DYNLL1: variants seen among roughly 807,000 people sequenced by gnomAD.
DYNLL1 encodes dynein light chain 1, cytoplasmic.
A neutral mutation model predicts 10.1 loss-of-function variants in DYNLL1; 3 were observed. The observed-to-expected ratio is 0.30, with a 90% CI of 0.14 to 0.77. The LOEUF is 0.77. Among genes scored for constraint, DYNLL1 ranks in the 30% least tolerant of loss-of-function variants. The pLI, the probability that DYNLL1 is intolerant of heterozygous loss-of-function variation, is 0.66. For synonymous variants in DYNLL1, 46 were observed against 41.2 expected (o/e 1.12, Z -0.45); for missense variants, 47 against 111.7 (o/e 0.42, Z 2.61).
At chr12:120,491,469 C>A (rs1239544444), upstream of DYNLL1, 1 of 152,372 alleles carries the variant, frequency 6.6e-6, no homozygotes, top group Non-Finnish European at 1.5e-5. Flanking sequence ...CTGGGACCTG[C>A]AAGGTCACCT....
At chr12:120,485,325 C>T (rs1332420310) in intron 1 of DYNLL1, among the ~76,000 whole-genome samples, 4 of 145,518 alleles carry the variant, frequency 2.7e-5, no homozygotes, top group Admixed American at 7.0e-5. Flanking sequence ...GGCACGATCT[C>T]GGCTCACTGC....
chr12:120,474,950 A>G (rs1030113223), intron 1 of DYNLL1, among the ~76,000 whole-genome samples: 1 of 152,244 alleles, frequency 6.6e-6, no homozygotes, highest in African/African-American at 2.4e-5. Context: ...GGAAAGCTAC[A>G]TAATAAAGAA....
intron 1 of DYNLL1, among the ~76,000 whole-genome samples, chr12:120,480,284 A>G (rs941195266): frequency 2.6e-5 from 4 of 152,204 alleles, no homozygotes; most frequent in African/African-American, 9.7e-5. Flanking sequence ...ATACTATGCA[A>G]ACATTAAAAA....
intron 1 of DYNLL1, among the ~76,000 whole-genome samples, chr12:120,471,771 C>T (rs894480164): frequency 1.3e-5 from 2 of 151,990 alleles, no homozygotes; most frequent in Non-Finnish European, 2.9e-5. Context: ...CCACCACGCC[C>T]GGCTGATTTT....
At chr12:120,491,612 G>A (rs1879131565), upstream of DYNLL1, 2 of 152,454 alleles carry the variant, frequency 1.3e-5, no homozygotes. Context: ...GAGTGATCCT[G>A]GGGCAGTAGT....
chr12:120,497,942 A>G (rs1868511248), intron 2 of DYNLL1, 131 bp from the exon 3 acceptor site: 1 of 894,094 alleles, frequency 1.1e-6, no homozygotes. Flanking sequence ...GCTGGGGAAC[A>G]TTCTTTCATT....
chr12:120,485,722 T>G (rs1377487156), intron 1 of DYNLL1, among the ~76,000 whole-genome samples: 2 of 151,234 alleles, frequency 1.3e-5, no homozygotes, highest in Non-Finnish European at 2.9e-5. Flanking sequence ...GCACCTGTGA[T>G]CCCAGCTACT....
intron 1 of DYNLL1, among the ~76,000 whole-genome samples, chr12:120,472,357 A>C (rs1389639222): frequency 6.6e-6 from 1 of 152,212 alleles, no homozygotes; most frequent in Admixed American, 6.5e-5. Flanking sequence ...CATTATAACT[A>C]TCTGTTGTAT....
chr12:120,477,189 A>G (rs937988593), intron 1 of DYNLL1, among the ~76,000 whole-genome samples: 2 of 152,104 alleles, frequency 1.3e-5, no homozygotes, highest in Non-Finnish European at 2.9e-5. Flanking sequence ...TTGGCTTCCC[A>G]AAATCCTGGG....
chr12:120,480,790 C>G (rs1878863233), intron 1 of DYNLL1, among the ~76,000 whole-genome samples: 1 of 148,546 alleles, frequency 6.7e-6, no homozygotes, highest in Non-Finnish European at 1.5e-5. Flanking sequence ...GAGACGGAGT[C>G]TCGCTCTGTT....
chr12:120,470,574 C>T lies in DYNLL1; in HGVS notation c.-7+470C>T, dbSNP rs143373093. ...CTCGATCTCGCTGGACTCAGGTGAT[C>T]CTCCCACCTCGGGGCGCCGTGAGGG... On this transcript the variant is annotated intron_variant, in intron 1 of 2. Transcript: ENST00000392509. Among the ~76,000 whole-genome samples, 160 of 152,204 alleles carry T rather than the reference C, an allele frequency of 1.1e-3. 1 individual carries two copies. Among genetic ancestry groups the T allele is most frequent in the Admixed American group, 2.0e-3 (31 of 15,294 alleles).
upstream of DYNLL1, chr12:120,491,804 T>C (rs766174991): frequency 1.3e-5 from 2 of 152,154 alleles, no homozygotes; most frequent in South Asian, 2.1e-4. Context: ...CAAGAACCAA[T>C]GTAGGGTCAA....
chr12:120,479,709 A>G (rs936007871), intron 1 of DYNLL1, among the ~76,000 whole-genome samples: 1 of 152,088 alleles, frequency 6.6e-6, no homozygotes, highest in Non-Finnish European at 1.5e-5. Context: ...CACTGCAAAG[A>G]AAGCTGGGAG....
At chr12:120,476,373 C>T (rs899464204) in intron 1 of DYNLL1, among the ~76,000 whole-genome samples, 2 of 151,804 alleles carry the variant, frequency 1.3e-5, no homozygotes, top group Non-Finnish European at 2.9e-5. Flanking sequence ...CTAGGCTACA[C>T]ATCCCCCATG....
upstream of DYNLL1, chr12:120,491,221 C>G (rs1422373455): frequency 6.6e-6 from 1 of 152,376 alleles, no homozygotes; most frequent in African/African-American, 2.4e-5. Context: ...TTGGTCTACT[C>G]AGGCGGTGCT....
intron 1 of DYNLL1, among the ~76,000 whole-genome samples, chr12:120,472,642 AAT>A (rs1392862874): frequency 6.6e-6 from 1 of 152,214 alleles, no homozygotes; most frequent in Non-Finnish European, 1.5e-5. Context: ...GGGAGAGAGA[AAT>A]AGAGTCAGCT....
chr12:120,497,832 T>C, intron 2 of DYNLL1: 1 of 516,408 alleles, frequency 1.9e-6, no homozygotes, highest in Admixed American at 3.6e-5. Context: ...ACCCTGTCTT[T>C]AGGGCTGACC....
chr12:120,475,158 A>G (rs1045310627), intron 1 of DYNLL1, among the ~76,000 whole-genome samples: 3 of 152,188 alleles, frequency 2.0e-5, no homozygotes, highest in African/African-American at 7.2e-5. Context: ...CAGAGACTGC[A>G]AAAAATCTTT....
At chr12:120,487,120 G>A (rs1160564557) in intron 1 of DYNLL1, among the ~76,000 whole-genome samples, 10 of 150,802 alleles carry the variant, frequency 6.6e-5, no homozygotes, top group Non-Finnish European at 1.2e-4. Flanking sequence ...GACTACAGGC[G>A]CCCGCCACCA....
Sources: allele counts gnomAD v4.1 joint callset (sites outside exome capture counted in the v4.1 genomes callset), GRCh38; gene constraint gnomAD v4.1.1; transcripts MANE v1.5; gene names NCBI Gene and HGNC (gene_info 2026-07-23, HGNC 2026-07-21).